The following OIP5 variants were observed in gnomAD, a reference collection of about 807,000 sequenced individuals.
OIP5 encodes Opa interacting protein 5, also known as protein Mis18-beta.
In OIP5, 24 loss-of-function variants were observed where a neutral mutation model predicts 20.3. That is an observed-to-expected ratio of 1.18 (90% CI 0.86 to 1.66). OIP5 has a LOEUF of 1.66. Among genes scored for constraint, OIP5 ranks in the 40% most tolerant of loss-of-function variants. The probability of loss-of-function intolerance (pLI) is 0.00; values close to 1 mark genes in which losing one functional copy is unlikely to be tolerated. For missense variants in OIP5, 339 were observed against 289.5 expected (o/e 1.17, Z -1.24); for synonymous variants, 143 against 121.3 (o/e 1.18, Z -1.17).
rs180930115 is a variant in OIP5, at chr15:41,327,161, T to G, written c.389+4754A>C. Among the ~76,000 whole-genome samples the G allele has an allele frequency of 3.7e-3, 559 of 151,986 alleles. 2 individuals carry two copies. Among genetic ancestry groups the G allele is most frequent in the South Asian group, 6.0e-3 (29 of 4,816 alleles). On this transcript the variant is annotated intron_variant, in intron 2 of 4. Transcript: ENST00000220514. ...TTGAAACTGGGTACCTGGGGCTTATTATAGTGTTTGTGGTATGTTTAAATT... is the reference window on the plus strand; with the variant it reads ...TTGAAACTGGGTACCTGGGGCTTATGATAGTGTTTGTGGTATGTTTAAATT...
intron 2 of OIP5, among the ~76,000 whole-genome samples, chr15:41,327,609 G>A (rs1312100689): frequency 6.6e-6 from 1 of 151,848 alleles, no homozygotes; most frequent in Non-Finnish European, 1.5e-5. Context: ...CCAACATGGT[G>A]AAACCCCGTC....
intron 2 of OIP5, among the ~76,000 whole-genome samples, chr15:41,323,538 A>G (rs2047842905): frequency 6.6e-6 from 1 of 152,118 alleles, no homozygotes; most frequent in Admixed American, 6.6e-5. Context: ...TGGTACAATC[A>G]CAGCTCACTA....
chr15:41,312,924 G>A (rs1006961817), intron 4 of OIP5, among the ~76,000 whole-genome samples: 2 of 152,056 alleles, frequency 1.3e-5, no homozygotes, highest in Admixed American at 6.6e-5. Context: ...CACCACGCCC[G>A]GCCAGGAATT....
chr15:41,316,687 G>A (rs2047790511), intron 3 of OIP5, among the ~76,000 whole-genome samples: 2 of 151,324 alleles, frequency 1.3e-5, no homozygotes, highest in African/African-American at 4.9e-5. Context: ...CTACTTGGGA[G>A]GCTGAGGCAG....
intron 2 of OIP5, among the ~76,000 whole-genome samples, chr15:41,329,063 C>CAAAAAAAA (rs1166517767): frequency 3.0e-4 from 15 of 50,362 alleles, no homozygotes; most frequent in East Asian, 1.2e-3. Context: ...GACTCCATCT[C>CAAAAAAAA]AAAAAAAAAA....
intron 2 of OIP5, among the ~76,000 whole-genome samples, chr15:41,321,984 A>G (rs912179556): frequency 6.6e-6 from 1 of 152,126 alleles, no homozygotes; most frequent in African/African-American, 2.4e-5. Context: ...AAAGAGAAAG[A>G]AAAGGGAATC....
At chr15:41,314,784 A>G (rs1176588942) in intron 3 of OIP5, among the ~76,000 whole-genome samples, 1 of 151,782 alleles carries the variant, frequency 6.6e-6, no homozygotes, top group African/African-American at 2.4e-5. Context: ...GGTGCCCACC[A>G]TCATGCCCAG....
intron 3 of OIP5, among the ~76,000 whole-genome samples, chr15:41,314,613 G>A (rs929534855): frequency 6.6e-6 from 1 of 151,058 alleles, no homozygotes; most frequent in Non-Finnish European, 1.5e-5. Flanking sequence ...ACCAGCCTGG[G>A]CAACATAGCG....
In OIP5 at chr15:41,332,371, G is replaced by C. The variant is rs772965284; in HGVS notation, c.191C>G (p.Pro64Arg). The C allele has an allele frequency of 4.3e-6, 7 of 1,612,368 alleles. No homozygotes were observed. Among genetic ancestry groups the C allele is most frequent in the Admixed American group, 1.7e-5 (1 of 59,888 alleles). ...AGGCTGCAGCCAAGACGGCAGCTGC[G>C]GGCCGGCGGCTGGCTCCTCAGCCCC... ...GLGAEEPAAG[P>R]QLPSWLQPER... Residue 64 changes from proline (P) to arginine (R), a missense_variant, in exon 1 of 5, where the codon CCG (proline) becomes CGG (arginine). By Grantham distance (103) the Pro-to-Arg change is moderately radical (BLOSUM62 -2). Transcript: ENST00000220514.
At chr15:41,311,936 C>A (rs192988712) in intron 4 of OIP5, among the ~76,000 whole-genome samples, 2 of 142,406 alleles carry the variant, frequency 1.4e-5, no homozygotes, top group Admixed American at 1.4e-4. Context: ...CTCACTGCAA[C>A]CTCTGCCTCC....
chr15:41,329,846 G>A (rs1595504645), intron 2 of OIP5, among the ~76,000 whole-genome samples: 3 of 151,454 alleles, frequency 2.0e-5, no homozygotes, highest in Admixed American at 6.6e-5. Context: ...GATTACAGGC[G>A]CCCGCCACCA....
At chr15:41,328,358 A>G (rs746640477) in intron 2 of OIP5, among the ~76,000 whole-genome samples, 6 of 152,220 alleles carry the variant, frequency 3.9e-5, no homozygotes, top group Non-Finnish European at 5.9e-5. Flanking sequence ...CCAAGAGTTG[A>G]TAAGTGCTCT....
chr15:41,323,333 A>C (rs1664451425), intron 2 of OIP5, among the ~76,000 whole-genome samples: 2 of 152,236 alleles, frequency 1.3e-5, no homozygotes, highest in Middle Eastern at 3.4e-3. Context: ...AAAAATACAA[A>C]ATTTAGCTGG....
intron 3 of OIP5, among the ~76,000 whole-genome samples, chr15:41,314,534 G>T (rs2047778214): frequency 6.6e-6 from 1 of 151,942 alleles, no homozygotes. Flanking sequence ...GGGTGTGCTG[G>T]CTCACACCTA....
intron 2 of OIP5, among the ~76,000 whole-genome samples, chr15:41,320,527 G>C (rs541886226): frequency 6.6e-6 from 1 of 152,340 alleles, no homozygotes; most frequent in African/African-American, 2.4e-5. Context: ...TGATCCACCA[G>C]CCTCGGCCTC....
chr15:41,311,972 A>T (rs2047757821), intron 4 of OIP5, among the ~76,000 whole-genome samples: 1 of 141,306 alleles, frequency 7.1e-6, no homozygotes, highest in Non-Finnish European at 1.6e-5. Flanking sequence ...CTCCTGCCTC[A>T]GCCTCCCGAA....
At position 41,319,655 on chromosome 15, in the gene OIP5, C is replaced by T. The variant is rs1394073307; in HGVS notation, c.512+3G>A. 6.8e-6 allele frequency: 11 copies of T among 1,611,372 alleles called. No individual in the cohort carries two copies. Among genetic ancestry groups the T allele is most frequent in the South Asian group, 2.2e-5 (2 of 90,580 alleles). On this transcript the variant is annotated splice_donor_region_variant and intron_variant, in intron 3 of 4. Transcript: ENST00000220514. ...TTGATGATCAATATCTAAGTCTACT[C>T]ACCACACCATTTTGTCACTGGAAAG...
intron 3 of OIP5, among the ~76,000 whole-genome samples, chr15:41,318,286 C>T (rs912929120): frequency 3.3e-5 from 5 of 152,148 alleles, no homozygotes; most frequent in Admixed American, 2.0e-4. Context: ...CCTCACCTCC[C>T]GAGTAGCTGC....
chr15:41,328,959 G>A (rs934821125), intron 2 of OIP5, among the ~76,000 whole-genome samples: 3 of 150,874 alleles, frequency 2.0e-5, no homozygotes, highest in Non-Finnish European at 2.9e-5. Context: ...CCAGCTACTC[G>A]GGAGGCTGAG....
Sources: gnomAD v4.1 joint callset for allele counts (sites outside exome capture counted in the v4.1 genomes callset) on GRCh38, gnomAD v4.1.1 for gene constraint, MANE v1.5 for transcripts, NCBI Gene and HGNC (gene_info 2026-07-23, HGNC 2026-07-21) for gene names.